Variants in IGF1R observed in about 807,000 individuals in gnomAD.
IGF1R encodes insulin like growth factor 1 receptor, also known as insulin-like growth factor 1 receptor.
In IGF1R, 44 loss-of-function variants were observed where a neutral mutation model predicts 144.6. That is an observed-to-expected ratio of 0.30 (90% CI 0.24 to 0.39). IGF1R has a LOEUF of 0.39. Among genes scored for constraint, IGF1R ranks in the 10% least tolerant of loss-of-function variants. The probability of loss-of-function intolerance (pLI) is 1.00; values close to 1 mark genes in which losing one functional copy is unlikely to be tolerated. For synonymous variants in IGF1R, 795 were observed against 722.8 expected, an observed-to-expected ratio of 1.10 and a Z score of -1.60; for missense variants, 1,355 against 1,833.7, an observed-to-expected ratio of 0.74 and a Z score of 4.77.
intron 2 of IGF1R, among the ~76,000 whole-genome samples, chr15:98,818,438 G>C (rs1355423597): frequency 6.6e-6 from 1 of 152,110 alleles, no homozygotes; most frequent in African/African-American, 2.4e-5. Flanking sequence ...GGAGAAGGAG[G>C]AATAGTGGAA....
chr15:98,690,876 G>C (rs751621601), intron 1 of IGF1R, among the ~76,000 whole-genome samples: 6 of 152,206 alleles, frequency 3.9e-5, no homozygotes, highest in Non-Finnish European at 8.8e-5. Context: ...CCACAGAGCA[G>C]TAAGGGTACT....
At chr15:98,773,649 G>T (rs909366062) in intron 2 of IGF1R, among the ~76,000 whole-genome samples, 2 of 152,058 alleles carry the variant, frequency 1.3e-5, no homozygotes, top group Non-Finnish European at 2.9e-5. Flanking sequence ...GCATTCGAGC[G>T]TCCTCCCCTC....
At chr15:98,790,298 T>TA (rs2056099653) in intron 2 of IGF1R, among the ~76,000 whole-genome samples, 1 of 152,156 alleles carries the variant, frequency 6.6e-6, no homozygotes, top group Non-Finnish European at 1.5e-5. Context: ...TCTTTTTATT[T>TA]AAAAGAAACA....
intron 2 of IGF1R, among the ~76,000 whole-genome samples, chr15:98,765,800 C>T (rs2055422648): frequency 6.6e-6 from 1 of 152,152 alleles, no homozygotes; most frequent in South Asian, 2.1e-4. Context: ...ATTGCACAAC[C>T]CACTCCTTCT....
rs2014243367 is a variant in IGF1R, at chr15:98,897,195, T to C, written c.1102+290T>C. The C allele has an allele frequency of 9.0e-6, 4 of 442,224 alleles. No homozygotes were observed. The Admixed American group carries it at 1.0e-4, about 12-fold the overall frequency. 27.4% of individuals were successfully genotyped at this position (442,224 alleles called of 1,614,324 possible). On this transcript the variant is annotated intron_variant, in intron 4 of 20. Transcript: ENST00000650285. ...CATAGGAGAGGCAAGCCCTGACACA[T>C]ACAAACCCCAGAAGAGACCATTGGA...
intron 2 of IGF1R, among the ~76,000 whole-genome samples, chr15:98,786,718 T>C (rs898429801): frequency 2.6e-5 from 4 of 152,222 alleles, no homozygotes; most frequent in Non-Finnish European, 4.4e-5. Flanking sequence ...CATAGGATTT[T>C]TTTTTAGAAT....
chr15:98,844,749 G>T (rs1233528224), intron 2 of IGF1R, among the ~76,000 whole-genome samples: 1 of 152,090 alleles, frequency 6.6e-6, no homozygotes, highest in Admixed American at 6.5e-5. Context: ...CATAGATTTA[G>T]ATCTGTTAAT....
At chr15:98,793,691 T>G (rs1337842767) in intron 2 of IGF1R, among the ~76,000 whole-genome samples, 6 of 152,228 alleles carry the variant, frequency 3.9e-5, no homozygotes, top group African/African-American at 9.6e-5. Context: ...TGCATAATAT[T>G]TTATGAAAGA....
chr15:98,777,651 G>A (rs373365278), intron 2 of IGF1R, among the ~76,000 whole-genome samples: 3 of 152,216 alleles, frequency 2.0e-5, no homozygotes, highest in African/African-American at 4.8e-5. Context: ...AGACACAAAC[G>A]TAGCTCTCCA....
chr15:98,913,850 C>T (rs926147232), intron 8 of IGF1R, among the ~76,000 whole-genome samples: 2 of 152,194 alleles, frequency 1.3e-5, no homozygotes, highest in Non-Finnish European at 2.9e-5. Flanking sequence ...ACAGTAAAAG[C>T]AAACGTTAAT....
chr15:98,769,970 C>T (rs941165061), intron 2 of IGF1R, among the ~76,000 whole-genome samples: 2 of 152,180 alleles, frequency 1.3e-5, no homozygotes, highest in African/African-American at 2.4e-5. Flanking sequence ...CCGCCTTTGT[C>T]TTAGCCTCTC....
Position 98,708,053 on chromosome 15 carries a change from A to G in IGF1R, c.586A>G (p.Thr196Ala), listed in dbSNP as rs1176158268. The G allele has an allele frequency of 1.2e-6, 2 of 1,614,056 alleles. No individual in the cohort carries two copies. The highest frequency in any genetic ancestry group is 1.7e-6 in the Non-Finnish European group (2 of 1,179,974). The change falls in exon 2 of 21, where the codon ACC (threonine) becomes GCC (alanine). Residue 196 changes from threonine (T) to alanine (A), a missense_variant. Thr to Ala is a moderately conservative substitution (Grantham distance 58, BLOSUM62 0). Around this residue, in one of 7 missense-constraint regions of IGF1R, gnomAD observed 880 missense variants for 1,202.7 expected, o/e 0.73. Coordinates refer to ENST00000650285, the MANE Select transcript of IGF1R (RefSeq NM_000875.5). Reference sequence around the variant, plus strand: ...GGAGAAGCCGATGTGTGAGAAGACCACCATCAACAATGAGTACAACTACCG... The same window carrying G: ...GGAGAAGCCGATGTGTGAGAAGACCGCCATCAACAATGAGTACAACTACCG... ...MEEKPMCEKT[T>A]INNEYNYRCW...
At chr15:98,832,306 C>T (rs1486859340) in intron 2 of IGF1R, among the ~76,000 whole-genome samples, 1 of 152,134 alleles carries the variant, frequency 6.6e-6, no homozygotes, top group Non-Finnish European at 1.5e-5. Flanking sequence ...GTAGCCCCAG[C>T]TACACTCTTG....
At position 98,937,146 on chromosome 15, in the gene IGF1R, A is replaced by G. The variant is rs2016185681; in HGVS notation, c.3297+1720A>G. 1.3e-5 allele frequency among the ~76,000 whole-genome samples: 2 copies of G among 152,200 alleles called. 1 individual carries two copies. The highest frequency in any genetic ancestry group is 4.1e-4 in the South Asian group (2 of 4,830). On this transcript the variant is annotated intron_variant, in intron 17 of 20. Transcript: ENST00000650285. Reference sequence around the variant, plus strand: ...GGTGATCCACCCACCTCAGCCTCCCAAAGTGCTGGGATTACAGGTGTGAGC... The same window carrying G: ...GGTGATCCACCCACCTCAGCCTCCCGAAGTGCTGGGATTACAGGTGTGAGC...
chr15:98,833,466 C>G (rs1477849044), intron 2 of IGF1R, among the ~76,000 whole-genome samples: 1 of 152,216 alleles, frequency 6.6e-6, no homozygotes, highest in Non-Finnish European at 1.5e-5. Context: ...GAGCGATTCT[C>G]TTTTGGTTGT....
chr15:98,928,663 C>G (rs902972567), intron 13 of IGF1R, among the ~76,000 whole-genome samples: 1 of 152,182 alleles, frequency 6.6e-6, no homozygotes, highest in South Asian at 2.1e-4. Flanking sequence ...CCCTTCTCTC[C>G]TCTCCCTTCC....
rs115488157 is a variant in IGF1R, at chr15:98,960,913, C to T, written c.*3471C>T. On this transcript the variant is annotated 3_prime_UTR_variant, in exon 21 of 21. Transcript: ENST00000650285. ...GAGGCTCGTGGCGTCACGCCCCCCCCGCCAGGGCTGTACCTCCGTCTCCCT... is the reference window on the plus strand; with the variant it reads ...GAGGCTCGTGGCGTCACGCCCCCCCTGCCAGGGCTGTACCTCCGTCTCCCT... The T allele has an allele frequency of 2.0e-3, 478 of 234,104 alleles. 2 individuals are homozygous for T. Among genetic ancestry groups the T allele is most frequent in the African/African-American group, 9.8e-3 (444 of 45,474 alleles). The allele number at this position is 234,104 out of a possible 1,614,324, so 14.5% of individuals were successfully genotyped here. A position where few individuals can be genotyped will look rare whatever the true frequency, so the allele number is the denominator to read the frequency against.
intron 2 of IGF1R, among the ~76,000 whole-genome samples, chr15:98,829,001 T>C (rs2056952638): frequency 6.6e-6 from 1 of 152,166 alleles, no homozygotes; most frequent in South Asian, 2.1e-4. Flanking sequence ...GTCGGTCTAA[T>C]TGCACATTAT....
intron 18 of IGF1R, among the ~76,000 whole-genome samples, chr15:98,942,675 C>T (rs2016410183): frequency 6.6e-6 from 1 of 152,170 alleles, no homozygotes; most frequent in Non-Finnish European, 1.5e-5. Flanking sequence ...GCATTAACTT[C>T]CTAAGGGAAT....
Sources: gnomAD v4.1 joint callset for allele counts (sites outside exome capture counted in the v4.1 genomes callset) on GRCh38, gnomAD v4.1.1 for gene constraint, gnomAD v4.1.1 regional missense constraint, MANE v1.5 for transcripts, NCBI Gene and HGNC (gene_info 2026-07-23, HGNC 2026-07-21) for gene names.